Variants in ADAM12 observed in about 807,000 individuals in gnomAD.
ADAM12 encodes the protein ADAM metallopeptidase domain 12, also known as disintegrin and metalloproteinase domain-containing protein 12.
Under a neutral mutation model 106.4 loss-of-function variants are expected in ADAM12, and 70 were observed. The ratio of observed to expected loss-of-function variants is 0.66; its 90% CI spans 0.54 to 0.80. The LOEUF is 0.80. Among genes scored for constraint, ADAM12 ranks in the 30% least tolerant of loss-of-function variants. The pLI is 0.00. For missense variants in ADAM12, 1,010 were observed against 1,171.9 expected (o/e 0.86, Z 2.02); for synonymous variants, 420 against 433.5 (o/e 0.97, Z 0.39).
Position 126,038,274 on chromosome 10 carries a change from C to A in ADAM12, c.2316G>T (p.Leu772=). ...GGTAGGAATCTGGCGGCTTCCTCAT[C>A]AGGCCTTTTCCAAGGTGGCCGAGGT... ...QAHLGHLGKG[L]MRKPPDSYPP... is the part of the protein sequence containing the mutation. Residue 772 remains leucine, a synonymous_variant, in exon 20 of 23, where the codon CTG becomes CTT. Coordinates refer to ENST00000448723, the MANE Select transcript of ADAM12 (RefSeq NM_001288973.2). 6.2e-7 allele frequency: 1 copy of A among 1,612,174 alleles called. No individual in the cohort carries two copies. The highest frequency in any genetic ancestry group is 8.5e-7 in the Non-Finnish European group (1 of 1,179,402).
chr10:126,062,063 C>G (rs1954768031), intron 14 of ADAM12, among the ~76,000 whole-genome samples: 1 of 152,038 alleles, frequency 6.6e-6, no homozygotes. Flanking sequence ...CTCTGCTCTC[C>G]CAAGGAAGTC....
rs142925977 is a variant in ADAM12 at position 126,168,923 on chromosome 10, C to T, written c.261-13618G>A. The stretch of plus-strand genomic sequence containing the variant: ...CAAAAATTAGCCGGGTATGGTGGCA[C>T]GTGCCTGTAATCCCAGCTACTCAGG... On this transcript the variant is annotated intron_variant, in intron 3 of 22. Coordinates refer to ENST00000448723, the MANE Select transcript of ADAM12 (RefSeq NM_001288973.2). Among the ~76,000 whole-genome samples, 1,007 of 152,104 alleles carry T rather than the reference C, an allele frequency of 6.6e-3. 14 individuals are homozygous for T. Among genetic ancestry groups the T allele is most frequent in the African/African-American group, 0.023 (951 of 41,474 alleles).
rs183638045 is a variant in ADAM12 at position 126,051,931 on chromosome 10, C to T, written c.1610-2262G>A. ...CTGTTGCTTTTAAAGGCAGGCTGGT[C>T]AAGGAAGACCTCTTAGAGAAGACAT... On this transcript the variant is annotated intron_variant, in intron 14 of 22. Transcript: ENST00000448723. Among the ~76,000 whole-genome samples the T allele has an allele frequency of 1.8e-3, 273 of 152,278 alleles. 1 individual carries two copies. The highest frequency in any genetic ancestry group is 2.8e-3 in the Non-Finnish European group (190 of 68,004).
At chr10:126,181,500 A>G (rs1378944819) in intron 3 of ADAM12, among the ~76,000 whole-genome samples, 1 of 152,168 alleles carries the variant, frequency 6.6e-6, no homozygotes, top group African/African-American at 2.4e-5. Flanking sequence ...GATTATTACT[A>G]TTTCATAAGT....
At chr10:126,170,436 A>C (rs985675986) in intron 3 of ADAM12, among the ~76,000 whole-genome samples, 1 of 146,394 alleles carries the variant, frequency 6.8e-6, no homozygotes, top group African/African-American at 2.8e-5. Context: ...TTAAAAAAAA[A>C]AAGAGGGCGG....
At chr10:126,147,164 T>C (rs1307075990) in intron 4 of ADAM12, among the ~76,000 whole-genome samples, 1 of 152,174 alleles carries the variant, frequency 6.6e-6, no homozygotes, top group Non-Finnish European at 1.5e-5. Flanking sequence ...TCAAAGCAAA[T>C]GCTCTCTATT....
At chr10:126,276,420 G>A (rs957542235) in intron 3 of ADAM12, among the ~76,000 whole-genome samples, 1 of 152,118 alleles carries the variant, frequency 6.6e-6, no homozygotes, top group Non-Finnish European at 1.5e-5. Context: ...GTGTCTAACA[G>A]CATTACATGC....
intron 5 of ADAM12, among the ~76,000 whole-genome samples, chr10:126,127,502 G>C (rs1184242053): frequency 6.6e-6 from 1 of 152,182 alleles, no homozygotes; most frequent in Non-Finnish European, 1.5e-5. Flanking sequence ...CAGCCGTGTT[G>C]GGGCACCCAG....
intron 4 of ADAM12, among the ~76,000 whole-genome samples, chr10:126,145,313 C>T (rs1156559490): frequency 1.3e-5 from 2 of 152,154 alleles, no homozygotes. Flanking sequence ...CTGCTCTCCC[C>T]CAAGAGCATT....
rs750100372 is a variant in ADAM12, at chr10:126,049,711, A to G, written c.1610-42T>C. On this transcript the variant is annotated intron_variant, in intron 14 of 22. Transcript: ENST00000448723. The surrounding 1 kb of genome is among the most constrained non-coding windows in gnomAD (Gnocchi z 4.4). ...ACTGCATTTTCATCTCCTGCAGGTG[A>G]TTTTTTTTTTTTCATGGCTGTAGGC... 6 of 1,321,302 alleles carry G rather than the reference A, an allele frequency of 4.5e-6. No individual in the cohort carries two copies. The East Asian group carries it at 1.1e-4, about 24-fold the overall frequency. The allele number at this position is 1,321,302 out of a possible 1,614,324, so 81.8% of individuals were successfully genotyped here. A position where few individuals can be genotyped will look rare whatever the true frequency, so the allele number is the denominator to read the frequency against.
intron 3 of ADAM12, among the ~76,000 whole-genome samples, chr10:126,225,188 C>T (rs986289076): frequency 8.5e-5 from 13 of 152,190 alleles, no homozygotes; most frequent in Admixed American, 2.6e-4. Context: ...CACCTCTGCC[C>T]GACCCCTGGA....
rs186754605 is a variant in ADAM12, at chr10:126,358,357, A to T, written c.89-27848T>A. 9.9e-4 allele frequency among the ~76,000 whole-genome samples: 151 copies of T among 152,318 alleles called. 3 individuals are homozygous for T. Among genetic ancestry groups the T allele is most frequent in the East Asian group, 4.4e-3 (23 of 5,182 alleles). Reference sequence around the variant, plus strand: ...TGTTTCAACACAGACAAATCAATAAATGTGATACATCACATTAAGAGAACA... The same window carrying T: ...TGTTTCAACACAGACAAATCAATAATTGTGATACATCACATTAAGAGAACA... On this transcript the variant is annotated intron_variant, in intron 1 of 22. Transcript: ENST00000448723.
At chr10:126,231,496 C>T (rs185189297) in intron 3 of ADAM12, among the ~76,000 whole-genome samples, 3 of 152,134 alleles carry the variant, frequency 2.0e-5, no homozygotes, top group African/African-American at 4.8e-5. Flanking sequence ...CTAGCTACTG[C>T]GCCATCTATA....
At chr10:126,385,585 G>A (rs929516187) in intron 1 of ADAM12, among the ~76,000 whole-genome samples, 2 of 151,902 alleles carry the variant, frequency 1.3e-5, no homozygotes, top group Admixed American at 1.3e-4. Context: ...GTTACAAGAG[G>A]GATGAAATGC....
chr10:126,076,290 A>G (rs1171449838), intron 11 of ADAM12, among the ~76,000 whole-genome samples: 1 of 152,308 alleles, frequency 6.6e-6, no homozygotes, highest in African/African-American at 2.4e-5. Context: ...AGTATTCCAT[A>G]CCACGTTTTC....
rs1337225206 is a variant in ADAM12, at chr10:126,157,026, T to G, written c.261-1721A>C. The stretch of plus-strand genomic sequence containing the variant: ...TTCACACCGTTTGGTTTTGTGTGTG[T>G]GTGTGTGGGGGGGTGCTCCTCCACT... On this transcript the variant is annotated intron_variant, in intron 3 of 22. Transcript: ENST00000448723. Among the ~76,000 whole-genome samples, 148 of 104,024 alleles carry G rather than the reference T, an allele frequency of 1.4e-3. 1 individual carries two copies. The South Asian group carries it at 0.044, about 31-fold the overall frequency. 68.2% of individuals were successfully genotyped at this position (104,024 alleles called of 152,430 possible).
In ADAM12 at chr10:126,036,411, T is replaced by C. The variant is rs1954061667; in HGVS notation, c.2350-86A>G. ...AAGGAAAAAGCAGTGCTAACTCATC[T>C]GTTATAGCTGAAGGCCAAGGTGGGG... On this transcript the variant is annotated intron_variant, in intron 20 of 22. Transcript: ENST00000448723. 6 of 1,388,342 alleles carry C rather than the reference T, an allele frequency of 4.3e-6. No homozygotes were observed. The East Asian group carries it at 1.3e-4, about 31-fold the overall frequency. The allele number at this position is 1,388,342 out of a possible 1,614,324, so 86.0% of individuals were successfully genotyped here.
At chr10:126,236,569 G>A (rs561058966) in intron 3 of ADAM12, among the ~76,000 whole-genome samples, 1 of 152,278 alleles carries the variant, frequency 6.6e-6, no homozygotes, top group African/African-American at 2.4e-5. Flanking sequence ...GCTCTGCGGG[G>A]GGAGCTGAAT....
In ADAM12 at chr10:126,101,124, T is replaced by A. The variant is rs535451558; in HGVS notation, c.859A>T (p.Arg287Trp). The A allele has an allele frequency of 1.2e-6, 2 of 1,614,028 alleles. No individual in the cohort carries two copies. The highest frequency in any genetic ancestry group is 1.7e-6 in the Non-Finnish European group (2 of 1,179,942). Residue 287 changes from arginine to tryptophan, a missense_variant, in exon 9 of 23, where the codon AGG becomes TGG. By Grantham distance (101) the Arg-to-Trp change is moderately radical. This residue lies in a region of ADAM12 where 391 missense variants were observed against 442.9 expected (regional missense o/e 0.88). Transcript: ENST00000448723. ...FTSLHEFLDW[R>W]KMKLLPRKSH... is the part of the protein sequence containing the mutation. ...TTGCGAGGTAGAAGCTTCATCTTCCTCCAGTCCAGAAATTCATGGAGGCTG... is the reference window on the plus strand; with the variant it reads ...TTGCGAGGTAGAAGCTTCATCTTCCACCAGTCCAGAAATTCATGGAGGCTG...
Sources: gnomAD v4.1 joint callset for allele counts (sites outside exome capture counted in the v4.1 genomes callset) on GRCh38, gnomAD v4.1.1 for gene constraint, gnomAD v4.1.1 regional missense constraint, Gnocchi (gnomAD v3.1) non-coding constraint, MANE v1.5 for transcripts, NCBI Gene and HGNC (gene_info 2026-07-23, HGNC 2026-07-21) for gene names.